The following DST variants were observed in gnomAD, a reference collection of about 807,000 sequenced individuals.
DST encodes bullous pemphigoid antigen.
Under a neutral mutation model 875.2 loss-of-function variants are expected in DST, and 253 were observed. The observed-to-expected ratio is 0.29, with a 90% CI of 0.26 to 0.32. DST has a LOEUF of 0.32. Among genes scored for constraint, DST ranks in the 10% least tolerant of loss-of-function variants. The probability of loss-of-function intolerance (pLI) is 1.00; values close to 1 mark genes in which losing one functional copy is unlikely to be tolerated. For synonymous variants in DST, 3,124 were observed against 3,197.1 expected (o/e 0.98, Z 0.77); for missense variants, 8,287 against 9,111.6 (o/e 0.91, Z 3.68).
chr6:56,516,072 ATATATGTG>A (rs753650725), intron 71 of DST, among the ~76,000 whole-genome samples: 3 of 151,858 alleles, frequency 2.0e-5, no homozygotes, highest in South Asian at 2.1e-4. Context: ...ACACACACAT[ATATATGTG>A]TATATGTGTA....
At chr6:56,470,019 A>C in intron 96 of DST, 62 bp from the exon 97 acceptor site, 1 of 1,605,272 alleles carries the variant, frequency 6.2e-7, no homozygotes, top group South Asian at 1.1e-5. Flanking sequence ...CAATCCTTAA[A>C]ACTTTGACAC....
At chr6:56,675,745 G>A (rs377309140) in intron 9 of DST, among the ~76,000 whole-genome samples, 7 of 152,024 alleles carry the variant, frequency 4.6e-5, no homozygotes, top group East Asian at 3.9e-4. Context: ...CCAGCTACTC[G>A]GGAGGCTGAG....
At chr6:56,891,692 C>G (rs554648629) in intron 3 of DST, among the ~76,000 whole-genome samples, 13 of 151,698 alleles carry the variant, frequency 8.6e-5, no homozygotes, top group African/African-American at 2.9e-4. Context: ...CGTGATTGCG[C>G]GACTGCACTC....
rs2098515072 is a variant in DST at position 56,608,227 on chromosome 6, G to A, written c.6401C>T (p.Thr2134Ile). ...TGTTATATTTTTTAAAATTGATGCT[G>A]TGTTGTTGTCTATAATTCCTAGCTG... is the stretch of plus-strand genomic sequence containing the variant. ...AKQLGIIDNNTASILKNITLP... is the reference protein window; with the variant it reads ...AKQLGIIDNNIASILKNITLP... Residue 2134 changes from threonine to isoleucine, a missense_variant, in exon 40 of 104, where the codon ACA becomes ATA. Physicochemically the swap from Thr to Ile is moderately conservative, Grantham distance 89. This residue lies in a region of DST where 3,138 missense variants were observed against 3,116.6 expected (regional missense o/e 1.01). Transcript: ENST00000680361. The A allele has an allele frequency of 1.2e-6, 2 of 1,613,652 alleles. No individual in the cohort carries two copies. The highest frequency in any genetic ancestry group is 1.7e-6 in the Non-Finnish European group (2 of 1,179,754).
chr6:56,814,794 T>C (rs188379667), intron 4 of DST, among the ~76,000 whole-genome samples: 5 of 152,350 alleles, frequency 3.3e-5, no homozygotes, highest in Admixed American at 2.0e-4. Context: ...TAAAGTTTAA[T>C]TGCTGAATCA....
intron 4 of DST, among the ~76,000 whole-genome samples, chr6:56,825,688 C>A (rs1236054770): frequency 6.6e-6 from 1 of 152,116 alleles, no homozygotes; most frequent in Non-Finnish European, 1.5e-5. Context: ...ATTTCTATTA[C>A]AATTCGCAGA....
At chr6:56,477,865 T>C (rs912382310) in intron 90 of DST, among the ~76,000 whole-genome samples, 2 of 152,208 alleles carry the variant, frequency 1.3e-5, no homozygotes, top group African/African-American at 2.4e-5. Flanking sequence ...CCTAATACAA[T>C]GTAAATTGTT....
Position 56,607,209 on chromosome 6 carries a change from G to A in DST, c.7419C>T (p.Asp2473=). 1 of 1,613,378 alleles carries A rather than the reference G, an allele frequency of 6.2e-7. No individual in the cohort carries two copies. Among genetic ancestry groups the A allele is most frequent in the South Asian group, 1.1e-5 (1 of 91,050 alleles). The change falls in exon 40 of 104, where the codon GAC becomes GAT. Residue 2473 remains aspartate, a synonymous_variant. Coordinates refer to ENST00000680361, the MANE Select transcript of DST (RefSeq NM_001374736.1). ...TTCTTTGACCTGACAACATGGTTTT[G>A]TCACTGAATGATAAGGCTGGGGCTT... ...KCEAPALSFS[D]KTMLSGQRIG...
rs147867520 is a variant in DST, at chr6:56,816,585, G to A, written c.625+34812C>T. ...ACAGCACTCTTTTGTGATTGTTCTC[G>A]TTGCTCATTATAAGCATCCTGGCAG... is the stretch of plus-strand genomic sequence containing the variant. On this transcript the variant is annotated intron_variant, in intron 4 of 103. Transcript: ENST00000680361. Among the ~76,000 whole-genome samples the A allele has an allele frequency of 5.0e-3, 759 of 152,214 alleles. 4 individuals carry two copies. The highest frequency in any genetic ancestry group is 0.017 in the African/African-American group (716 of 41,536).
intron 3 of DST, among the ~76,000 whole-genome samples, chr6:56,857,421 T>A (rs897669425): frequency 2.6e-5 from 4 of 152,212 alleles, no homozygotes; most frequent in Non-Finnish European, 4.4e-5. Context: ...AGTTTTGATC[T>A]AAGAAATTTC....
intron 88 of DST, 78 bp downstream of exon 88, chr6:56,485,234 C>T (rs1262318806): frequency 2.7e-6 from 4 of 1,505,468 alleles, no homozygotes; most frequent in African/African-American, 1.4e-5. Flanking sequence ...TTTTAAAAGG[C>T]TAATTTAAAT....
intron 2 of DST, among the ~76,000 whole-genome samples, chr6:56,916,778 TCACACACA>T (rs70989742): frequency 4.3e-4 from 39 of 91,342 alleles, no homozygotes; most frequent in Middle Eastern, 5.6e-3. Flanking sequence ...TCTCTCTCTC[TCACACACA>T]CACACACACA....
intron 64 of DST, among the ~76,000 whole-genome samples, chr6:56,532,122 C>G (rs2096906214): frequency 6.6e-6 from 1 of 152,106 alleles, no homozygotes; most frequent in South Asian, 2.1e-4. Context: ...AGTAATCACT[C>G]CCAAGGGAAA....
At chr6:56,654,669 G>A (rs952763773) in intron 10 of DST, among the ~76,000 whole-genome samples, 3 of 148,740 alleles carry the variant, frequency 2.0e-5, no homozygotes, top group African/African-American at 7.7e-5. Flanking sequence ...TAGATATATG[G>A]ATATAGTATA....
At chr6:56,742,495 A>G in intron 4 of DST, 3 of 465,300 alleles carry the variant, frequency 6.4e-6, no homozygotes, top group East Asian at 7.1e-5. Flanking sequence ...TTAAACAAAT[A>G]TTAACAAAGC....
Position 56,802,483 on chromosome 6 carries a change from A to G in DST, c.625+48914T>C, listed in dbSNP as rs183568839. Among the ~76,000 whole-genome samples, 47 of 152,284 alleles carry G rather than the reference A, an allele frequency of 3.1e-4. 1 individual carries two copies. Among genetic ancestry groups the G allele is most frequent in the African/African-American group, 9.1e-4 (38 of 41,564 alleles). ...GTTTTATACATGTATATATATATACATATATACACAAACTATGAACATCCT... is the reference window on the plus strand; with the variant it reads ...GTTTTATACATGTATATATATATACGTATATACACAAACTATGAACATCCT... On this transcript the variant is annotated intron_variant, in intron 4 of 103. Coordinates refer to ENST00000680361, the MANE Select transcript of DST (RefSeq NM_001374736.1).
rs374056754 is a variant in DST, at chr6:56,489,607, G to C, written c.20760C>G (p.Phe6920Leu). The C allele has an allele frequency of 8.9e-5, 143 of 1,606,786 alleles. 2 individuals carry two copies. The South Asian group carries it at 1.5e-3, about 17-fold the overall frequency. ...CCATAAGTTTACTCCAAGCTTCATGGAACTAGAAAGAAATTCACACCTTTG... is the reference window on the plus strand; with the variant it reads ...CCATAAGTTTACTCCAAGCTTCATGCAACTAGAAAGAAATTCACACCTTTG... The part of the protein sequence containing the change: ...LDDARKRAKQ[F>L]HEAWSKLMEW... The change falls in exon 86 of 104, where the codon TTC becomes TTG. Residue 6920 changes from phenylalanine to leucine, a missense_variant and splice_region_variant. By Grantham distance (22) the Phe-to-Leu change is conservative (BLOSUM62 0). Coordinates refer to ENST00000680361, the MANE Select transcript of DST (RefSeq NM_001374736.1).
chr6:56,897,340 A>AT, intron 3 of DST, among the ~76,000 whole-genome samples: 1 of 141,886 alleles, frequency 7.0e-6, no homozygotes, highest in East Asian at 2.2e-4. Context: ...TTATTTATTT[A>AT]TTTATTTTTG....
At chr6:56,870,118 A>G (rs752545488) in intron 3 of DST, among the ~76,000 whole-genome samples, 9 of 152,222 alleles carry the variant, frequency 5.9e-5, no homozygotes, top group Non-Finnish European at 1.3e-4. Context: ...GTGAGACAGG[A>G]CTAGCTGGAT....
Sources: allele counts gnomAD v4.1 joint callset (sites outside exome capture counted in the v4.1 genomes callset), GRCh38; gene constraint gnomAD v4.1.1; regional missense constraint gnomAD v4.1.1; transcripts MANE v1.5; gene names NCBI Gene and HGNC (gene_info 2026-07-23, HGNC 2026-07-21).